The following KRABD4 variants were observed in gnomAD, a reference collection of about 807,000 sequenced individuals.
KRABD4 encodes the protein KRAB domain-containing protein 4.
chrX:46,455,394 G>T, the KRABD4 span: 2 of 460,624 alleles, frequency 4.3e-6, no homozygotes, highest in Admixed American at 2.9e-5. Flanking sequence ...GATCTTTGTC[G>T]GCAATGTGTA....
the KRABD4 span, chrX:46,457,115 C>T: frequency 7.9e-6 from 3 of 377,404 alleles, no homozygotes; most frequent in Non-Finnish European, 1.4e-5. Context: ...GAACATATTT[C>T]AAAGTCTGTG....
At chrX:46,470,726 A>G in the KRABD4 span, among the ~76,000 whole-genome samples, 22 of 110,884 alleles carry the variant, frequency 2.0e-4, 2 homozygotes, top group Admixed American at 2.1e-3. Context: ...AAATTATGAT[A>G]TGTTGCATTT....
the KRABD4 span, among the ~76,000 whole-genome samples, chrX:46,459,995 G>A: frequency 8.9e-6 from 1 of 112,246 alleles, no homozygotes; most frequent in Non-Finnish European, 1.9e-5. Context: ...GACTTGAGAT[G>A]CCAGTCACAA....
the KRABD4 span, among the ~76,000 whole-genome samples, chrX:46,454,805 A>G: frequency 8.9e-6 from 1 of 111,960 alleles, no homozygotes; most frequent in Non-Finnish European, 1.9e-5. Flanking sequence ...TCTCAAAAAA[A>G]CAAAAACAAA....
chrX:46,463,773 GT>G, the KRABD4 span, among the ~76,000 whole-genome samples: 1 of 109,708 alleles, frequency 9.1e-6, no homozygotes, highest in African/African-American at 3.3e-5. Flanking sequence ...TATCGTACCT[GT>G]TTTTTTGTTT....
the KRABD4 span, among the ~76,000 whole-genome samples, chrX:46,461,688 G>C: frequency 8.9e-6 from 1 of 112,041 alleles, no homozygotes; most frequent in East Asian, 2.8e-4. Context: ...GTGGTGACAA[G>C]GCCAAGCACA....
At chrX:46,474,523 T>C in the KRABD4 span, 1 of 111,789 alleles carries the variant, frequency 8.9e-6, no homozygotes, top group Non-Finnish European at 1.9e-5. Flanking sequence ...ATTCATTGAG[T>C]GTAATCATGT....
the KRABD4 span, among the ~76,000 whole-genome samples, chrX:46,466,833 T>C: frequency 1.5e-4 from 17 of 112,354 alleles, no homozygotes; most frequent in Non-Finnish European, 2.3e-4. Context: ...TTGACAAATA[T>C]ATAGCTGTGT....
At chrX:46,457,630 T>G in the KRABD4 span, among the ~76,000 whole-genome samples, 3 of 108,375 alleles carry the variant, frequency 2.8e-5, no homozygotes, top group Middle Eastern at 4.7e-3. Context: ...AGAGTTTTTT[T>G]TTTTTTTTTT....
the KRABD4 span, chrX:46,472,544 A>AT: frequency 2.6e-6 from 1 of 385,561 alleles, no homozygotes; most frequent in Non-Finnish European, 4.4e-6. Context: ...TGCATATTAA[A>AT]TTATTTTTGT....
At chrX:46,473,762 C>G in the KRABD4 span, 1 of 154,894 alleles carries the variant, frequency 6.5e-6, no homozygotes, top group Non-Finnish European at 1.2e-5. Context: ...TCAACCGATT[C>G]TCCTGCCTCA....
chrX:46,473,016 A>G, the KRABD4 span: 71 of 1,209,157 alleles, frequency 5.9e-5, no homozygotes, highest in Non-Finnish European at 7.9e-5. Context: ...AAGATGATGG[A>G]TGTAAAGCAT....
chrX:46,464,174 C>G, the KRABD4 span, among the ~76,000 whole-genome samples: 1 of 111,500 alleles, frequency 9.0e-6, no homozygotes, highest in Non-Finnish European at 1.9e-5. Context: ...GGGCTACCTA[C>G]AAGGATCCAG....
At chrX:46,474,201 A>C in the KRABD4 span, 1 of 112,321 alleles carries the variant, frequency 8.9e-6, no homozygotes, top group Non-Finnish European at 1.9e-5. Flanking sequence ...AAGAAAAAAA[A>C]TGTATGCTGA....
chrX:46,455,147 A>G, the KRABD4 span: 3 of 849,821 alleles, frequency 3.5e-6, no homozygotes, highest in Admixed American at 5.8e-5. Flanking sequence ...AAGGATTTCA[A>G]CACAGCATGA....
At chrX:46,472,847 T>A in the KRABD4 span, 10 of 1,210,185 alleles carry the variant, frequency 8.3e-6, no homozygotes, top group African/African-American at 1.7e-4. Context: ...CACTGAAGGA[T>A]GAAAGCGGTC....
the KRABD4 span, among the ~76,000 whole-genome samples, chrX:46,465,208 AT>A: frequency 2.6e-4 from 29 of 113,250 alleles, no homozygotes; most frequent in African/African-American, 7.4e-4. Context: ...CCAGTGGCTC[AT>A]TTCTTTAGCT....
the KRABD4 span, chrX:46,462,991 T>G: frequency 2.7e-6 from 3 of 1,116,700 alleles, no homozygotes; most frequent in Non-Finnish European, 3.6e-6. Flanking sequence ...CTCAGTGAGT[T>G]TGGGTTACTG....
the KRABD4 span, chrX:46,455,625 A>G: frequency 1.3e-5 from 5 of 376,721 alleles, no homozygotes; most frequent in South Asian, 1.7e-4. Flanking sequence ...TTTAATACAA[A>G]AAAGCTTTTC....
Sources: gnomAD v4.1 joint callset for allele counts (sites outside exome capture counted in the v4.1 genomes callset) on GRCh38, gnomAD v4.1.1 for gene constraint, MANE v1.5 for transcripts, NCBI Gene and HGNC (gene_info 2026-07-23, HGNC 2026-07-21) for gene names.